TPP2: variants seen among roughly 807,000 people sequenced by gnomAD.
The protein encoded by TPP2 is tripeptidyl peptidase 2, also known as tripeptidyl-peptidase 2.
TPP2 carries 34 observed loss-of-function variants against 155.9 expected under a neutral mutation model. That is an observed-to-expected ratio of 0.22 (90% CI 0.17 to 0.29). TPP2 has a LOEUF of 0.29. Among genes scored for constraint, TPP2 ranks in the 10% least tolerant of loss-of-function variants. The probability of loss-of-function intolerance (pLI) is 1.00; values close to 1 mark genes in which losing one functional copy is unlikely to be tolerated. For missense variants in TPP2, 1,028 were observed against 1,522.3 expected, an observed-to-expected ratio of 0.68 and a Z score of 5.40; for synonymous variants, 510 against 529.4, an observed-to-expected ratio of 0.96 and a Z score of 0.50.
At chr13:102,659,561 T>C (rs1884074454) in intron 25 of TPP2, among the ~76,000 whole-genome samples, 1 of 152,162 alleles carries the variant, frequency 6.6e-6, no homozygotes, top group Admixed American at 6.6e-5. Flanking sequence ...AGTGGGATAA[T>C]ATATTCAGAG....
intron 21 of TPP2, 89 bp downstream of exon 21, chr13:102,647,433 C>T (rs1883184419): frequency 6.8e-7 from 1 of 1,473,500 alleles, no homozygotes; most frequent in African/African-American, 1.4e-5. Flanking sequence ...AATGTTCATA[C>T]TTTAAAAAAA....
chr13:102,678,060 AGTTG>A (rs1334391899), intron 29 of TPP2, among the ~76,000 whole-genome samples, 163 bp from the exon 30 acceptor site: 3 of 152,114 alleles, frequency 2.0e-5, no homozygotes, highest in Non-Finnish European at 4.4e-5. Context: ...TAGTAAGAAA[AGTTG>A]GTTGGTGGGA....
At chr13:102,652,508 A>T (rs944362091) in intron 24 of TPP2, among the ~76,000 whole-genome samples, 18 of 138,800 alleles carry the variant, frequency 1.3e-4, no homozygotes, top group African/African-American at 4.8e-4. Flanking sequence ...ACGTCATTCA[A>T]CATTTTCATG....
intron 10 of TPP2, among the ~76,000 whole-genome samples, chr13:102,632,138 C>A (rs926689657): frequency 6.6e-6 from 1 of 152,138 alleles, no homozygotes; most frequent in Non-Finnish European, 1.5e-5. Context: ...CATGTAATCA[C>A]AGCTACATAA....
chr13:102,633,916 C>G lies in TPP2; in HGVS notation c.1245-34C>G, dbSNP rs371886756. 1.9e-6 allele frequency: 3 copies of G among 1,611,602 alleles called. No individual in the cohort carries two copies. The African/African-American group carries it at 4.0e-5, about 22-fold the overall frequency. On this transcript the variant is annotated intron_variant, in intron 10 of 29. Coordinates refer to ENST00000376052, the MANE Select transcript of TPP2 (RefSeq NM_001330588.2). ...ATGCCCATGTATGTTTAGCTTTCAC[C>G]ATCCTAAGCAAACTTCAATGGCTTT...
rs777328922 is a variant in TPP2, at chr13:102,664,898, C to G, written c.3344C>G (p.Pro1115Arg). Residue 1115 changes from proline (P) to arginine (R), a missense_variant, in exon 27 of 30, where the codon CCC becomes CGC. Transcript: ENST00000376052. The part of the protein sequence containing the change: ...LAVYIAMKTD[P>R]RPDAATIKND... ...GTTTATATTGCAATGAAGACTGATC[C>G]CAGGCCTGATGCAGCTACTATAAAA... 4.3e-6 allele frequency: 7 copies of G among 1,613,010 alleles called. No individual in the cohort carries two copies.
chr13:102,618,058 C>T (rs539440630), intron 4 of TPP2, among the ~76,000 whole-genome samples: 71 of 152,246 alleles, frequency 4.7e-4, no homozygotes, highest in African/African-American at 1.6e-3. Context: ...TATTTGAGTA[C>T]CTAACTTATT....
chr13:102,677,068 T>G (rs1337803330), intron 29 of TPP2, among the ~76,000 whole-genome samples: 1 of 152,202 alleles, frequency 6.6e-6, no homozygotes, highest in Non-Finnish European at 1.5e-5. Context: ...ACCCTTTGGA[T>G]GTAAAACTGA....
chr13:102,676,433 T>G lies in TPP2; in HGVS notation c.3699+18T>G, dbSNP rs1232331009. 1.2e-6 allele frequency: 2 copies of G among 1,605,566 alleles called. No individual in the cohort carries two copies. The highest frequency in any genetic ancestry group is 1.7e-6 in the Non-Finnish European group (2 of 1,174,630). On this transcript the variant is annotated intron_variant, in intron 29 of 29. Transcript: ENST00000376052. ...GTATTCAAGTAAGTGATATTTAAAATGTCACTGTTAAGCATCACTTTGATA... is the reference window on the plus strand; with the variant it reads ...GTATTCAAGTAAGTGATATTTAAAAGGTCACTGTTAAGCATCACTTTGATA...
chr13:102,604,651 C>A, intron 1 of TPP2, 142 bp from the exon 2 acceptor site: 1 of 956,796 alleles, frequency 1.0e-6, no homozygotes, highest in Non-Finnish European at 1.5e-6. Flanking sequence ...TTTGTTCAGG[C>A]TTTTGGCTTA....
intron 27 of TPP2, among the ~76,000 whole-genome samples, chr13:102,666,603 A>G (rs1884609498): frequency 6.6e-6 from 1 of 151,978 alleles, no homozygotes; most frequent in Non-Finnish European, 1.5e-5. Context: ...ATTTTGTGAA[A>G]ATAATATGAT....
intron 2 of TPP2, among the ~76,000 whole-genome samples, chr13:102,607,425 T>G (rs1345951044): frequency 2.0e-5 from 3 of 152,198 alleles, no homozygotes; most frequent in Non-Finnish European, 4.4e-5. Flanking sequence ...TCTGAATTAC[T>G]CTAGAGTTTG....
intron 27 of TPP2, chr13:102,667,854 G>A: frequency 2.0e-6 from 2 of 984,128 alleles, no homozygotes; most frequent in East Asian, 1.1e-4. Context: ...CTCTGGCCGA[G>A]CGACGGATGA....
chr13:102,623,076 T>G, intron 6 of TPP2, 36 bp downstream of exon 6: 1 of 1,587,378 alleles, frequency 6.3e-7, no homozygotes, highest in Non-Finnish European at 8.6e-7. Context: ...AGATATAGAT[T>G]TATGAGGTGA....
chr13:102,611,214 G>A (rs771771529), intron 2 of TPP2, among the ~76,000 whole-genome samples: 25 of 152,360 alleles, frequency 1.6e-4, no homozygotes, highest in Non-Finnish European at 3.4e-4. Context: ...TGTGATGTGT[G>A]TGTATCCTGT....
rs754407006 is a variant in TPP2, at chr13:102,638,268, C to T, written c.1866C>T (p.Asn622=). The T allele has an allele frequency of 1.4e-5, 22 of 1,612,726 alleles. No individual in the cohort carries two copies. Among genetic ancestry groups the T allele is most frequent in the African/African-American group, 8.0e-5 (6 of 74,892 alleles). ...GTGGCTATGATATAGCATCCCCTAACGCAGGTCCGCTCTTCAGAGTTCCGA... is the reference window on the plus strand; with the variant it reads ...GTGGCTATGATATAGCATCCCCTAATGCAGGTCCGCTCTTCAGAGTTCCGA... The part of the protein sequence containing the change: ...EVCGYDIASP[N]AGPLFRVPIT... The change falls in exon 15 of 30, where the codon AAC becomes AAT. Residue 622 remains asparagine, a synonymous_variant. Transcript: ENST00000376052.
intron 3 of TPP2, among the ~76,000 whole-genome samples, chr13:102,615,284 G>A (rs1245004097): frequency 6.6e-6 from 1 of 152,024 alleles, no homozygotes; most frequent in African/African-American, 2.4e-5. Flanking sequence ...CATGTAGTTG[G>A]GACTACAGGC....
intron 8 of TPP2, among the ~76,000 whole-genome samples, chr13:102,628,222 C>T (rs1566337463): frequency 6.6e-6 from 1 of 152,086 alleles, no homozygotes; most frequent in Non-Finnish European, 1.5e-5. Context: ...GGTTAGGTCT[C>T]CCTCACAGTT....
At chr13:102,665,941 T>A (rs1036515281) in intron 27 of TPP2, among the ~76,000 whole-genome samples, 4 of 152,238 alleles carry the variant, frequency 2.6e-5, no homozygotes, top group African/African-American at 9.6e-5. Context: ...TGGGATAGAA[T>A]ATATTTAAAA....
Sources: allele counts gnomAD v4.1 joint callset (sites outside exome capture counted in the v4.1 genomes callset), GRCh38; gene constraint gnomAD v4.1.1; transcripts MANE v1.5; gene names NCBI Gene and HGNC (gene_info 2026-07-23, HGNC 2026-07-21).